The following DCUN1D4 variants were observed in gnomAD, a reference collection of about 807,000 sequenced individuals.
DCUN1D4 encodes defective in cullin neddylation 1 domain containing 4, also known as DCN1-like protein 4.
In DCUN1D4, 22 loss-of-function variants were observed where a neutral mutation model predicts 47.9. The observed-to-expected ratio is 0.46, with a 90% CI of 0.33 to 0.66. DCUN1D4 has a LOEUF of 0.66. DCUN1D4 is among the 30% of genes least tolerant of loss of function. DCUN1D4 has a pLI of 0.02. For synonymous variants in DCUN1D4, 121 were observed against 112.2 expected (o/e 1.08, Z -0.50); for missense variants, 301 against 340.8 (o/e 0.88, Z 0.92).
At position 51,899,309 on chromosome 4, in the gene DCUN1D4, C is replaced by T. The variant is rs1560510564; in HGVS notation, c.546C>T (p.Tyr182=). 2 of 1,608,188 alleles carry T rather than the reference C, an allele frequency of 1.2e-6. No homozygotes were observed. Among genetic ancestry groups the T allele is most frequent in the Non-Finnish European group, 1.7e-6 (2 of 1,178,024 alleles). ...AAAAACTCAGAAATACTTTGGATTACTTAAGATCATTCTTAAATGATTCTA... is the reference window on the plus strand; with the variant it reads ...AAAAACTCAGAAATACTTTGGATTATTTAAGATCATTCTTAAATGATTCTA... The part of the protein sequence containing the change: ...TTEKLRNTLD[Y]LRSFLNDSTN... Residue 182 remains tyrosine, a synonymous_variant, in exon 8 of 11, where the codon TAC becomes TAT. Transcript: ENST00000334635.
chr4:51,847,710 C>G (rs1413945208), intron 1 of DCUN1D4, among the ~76,000 whole-genome samples: 1 of 151,790 alleles, frequency 6.6e-6, no homozygotes, highest in Non-Finnish European at 1.5e-5. Context: ...CCACCTCAGT[C>G]TCTGAGTAGC....
At chr4:51,879,749 T>C (rs1372121001) in intron 5 of DCUN1D4, among the ~76,000 whole-genome samples, 2 of 152,232 alleles carry the variant, frequency 1.3e-5, no homozygotes, top group Non-Finnish European at 2.9e-5. Context: ...GTTATGAAAA[T>C]GTTTTATAAG....
chr4:51,905,252 T>C (rs1211750506), intron 8 of DCUN1D4: 1 of 450,944 alleles, frequency 2.2e-6, no homozygotes, highest in Non-Finnish European at 4.5e-6. Flanking sequence ...CCTGTCAATG[T>C]AGGATGATGA....
At chr4:51,856,241 A>G (rs1724118416) in intron 1 of DCUN1D4, among the ~76,000 whole-genome samples, 1 of 152,218 alleles carries the variant, frequency 6.6e-6, no homozygotes, top group Admixed American at 6.5e-5. Flanking sequence ...GTCACTTGAA[A>G]AGCATTTGTT....
intron 5 of DCUN1D4, among the ~76,000 whole-genome samples, chr4:51,881,658 G>GT (rs1346055600): frequency 8.6e-6 from 1 of 115,904 alleles, no homozygotes; most frequent in Non-Finnish European, 1.7e-5. Flanking sequence ...TTAGATACAA[G>GT]TTAAAAAAAA....
intron 5 of DCUN1D4, among the ~76,000 whole-genome samples, chr4:51,882,374 G>A (rs569543249): frequency 6.6e-6 from 1 of 152,302 alleles, no homozygotes; most frequent in South Asian, 2.1e-4. Context: ...AGAGAAGGCA[G>A]TAGCCAGGTT....
chr4:51,853,301 TTGAA>T (rs932095172), intron 1 of DCUN1D4, among the ~76,000 whole-genome samples: 12 of 152,370 alleles, frequency 7.9e-5, no homozygotes, highest in South Asian at 2.1e-4. Flanking sequence ...CTGAGTCACT[TTGAA>T]TGACCTGTTC....
At chr4:51,873,887 C>CT (rs1461958757) in intron 3 of DCUN1D4, among the ~76,000 whole-genome samples, 1 of 152,114 alleles carries the variant, frequency 6.6e-6, no homozygotes, top group Admixed American at 6.5e-5. Flanking sequence ...GTCAGGGTTA[C>CT]TTGTTGAGCT....
chr4:51,903,919 G>A lies in DCUN1D4; in HGVS notation c.615+4541G>A, dbSNP rs187036600. 4.5e-3 allele frequency among the ~76,000 whole-genome samples: 690 copies of A among 152,056 alleles called. 4 individuals are homozygous for A. The highest frequency in any genetic ancestry group is 7.1e-3 in the Non-Finnish European group (480 of 67,966). The stretch of plus-strand genomic sequence containing the variant: ...AATTTCTAGAACATGTTTATAGTAG[G>A]TATTTTTATAACCTTGTCTTCTGGT... On this transcript the variant is annotated intron_variant, in intron 8 of 10. Coordinates refer to ENST00000334635, the MANE Select transcript of DCUN1D4 (RefSeq NM_001040402.3).
rs1303898624 is a variant in DCUN1D4 at position 51,915,718 on chromosome 4, G to C, written c.*2134G>C. On this transcript the variant is annotated 3_prime_UTR_variant, in exon 11 of 11. Coordinates refer to ENST00000334635, the MANE Select transcript of DCUN1D4 (RefSeq NM_001040402.3). Reference sequence around the variant, plus strand: ...AATATAGAGATTTTTAAAAAATGCTGATAAGCACAGTTAATTCTAAAATGA... The same window carrying C: ...AATATAGAGATTTTTAAAAAATGCTCATAAGCACAGTTAATTCTAAAATGA... 1 of 152,550 alleles carries C rather than the reference G, an allele frequency of 6.6e-6. No individual in the cohort carries two copies. The highest frequency in any genetic ancestry group is 1.5e-5 in the Non-Finnish European group (1 of 67,994). 9.4% of individuals were successfully genotyped at this position (152,550 alleles called of 1,614,324 possible).
intron 1 of DCUN1D4, among the ~76,000 whole-genome samples, chr4:51,849,277 G>A (rs965550266): frequency 6.6e-6 from 1 of 152,178 alleles, no homozygotes; most frequent in African/African-American, 2.4e-5. Context: ...AGTGGTGGCT[G>A]CTGTGCTGCT....
rs1438513582 is a variant in DCUN1D4 at position 51,843,413 on chromosome 4, C to G, written c.25+146C>G. 6.4e-6 allele frequency: 8 copies of G among 1,254,016 alleles called. No homozygotes were observed. In the African/African-American group the frequency reaches 1.1e-4, roughly 17 times the overall value. The allele number at this position is 1,254,016 out of a possible 1,614,324, so 77.7% of individuals were successfully genotyped here. A position where few individuals can be genotyped will look rare whatever the true frequency, so the allele number is the denominator to read the frequency against. ...GAACCACCCCTTCCCCTCCCGGGGC[C>G]GGGGCGGGCGGTGACGCTGCGGGCG... On this transcript the variant is annotated intron_variant, in intron 1 of 10. Transcript: ENST00000334635.
rs4864694 is a variant in DCUN1D4, at chr4:51,906,379, G to A, written c.616-4691G>A. ...AATTCACTAAGGAAAATTTTGCTAG[G>A]TCTTGTGTTCAACAACCCGTGTTAT... On this transcript the variant is annotated intron_variant, in intron 8 of 10. Coordinates refer to ENST00000334635, the MANE Select transcript of DCUN1D4 (RefSeq NM_001040402.3). Among the ~76,000 whole-genome samples the A allele has an allele frequency of 1.2e-3, 187 of 152,284 alleles. 1 individual carries two copies. Among genetic ancestry groups the A allele is most frequent in the African/African-American group, 4.1e-3 (171 of 41,562 alleles).
chr4:51,899,200 A>G (rs952299294), intron 7 of DCUN1D4, 70 bp from the exon 8 acceptor site: 2 of 1,472,336 alleles, frequency 1.4e-6, no homozygotes, highest in Non-Finnish European at 9.0e-7. Flanking sequence ...TTGTGTTTAT[A>G]TTACTGCCTC....
At chr4:51,867,624 T>C (rs1402808387) in intron 3 of DCUN1D4, among the ~76,000 whole-genome samples, 1 of 152,164 alleles carries the variant, frequency 6.6e-6, no homozygotes, top group Non-Finnish European at 1.5e-5. Context: ...TGCAGGCAGG[T>C]TGTCCTGTCC....
At chr4:51,836,300 G>A in the DCUN1D4 span, among the ~76,000 whole-genome samples, 1 of 152,132 alleles carries the variant, frequency 6.6e-6, no homozygotes, top group African/African-American at 2.4e-5. Flanking sequence ...AAATGTTAAG[G>A]ACCATTTGCT....
chr4:51,905,414 A>C lies in DCUN1D4; in HGVS notation c.616-5656A>C, dbSNP rs907933660. ...TAGAAGAAGACGGTGGAATATACAC[A>C]AGGGCCAACATGATCAGTTCTCTTC... On this transcript the variant is annotated intron_variant, in intron 8 of 10. Coordinates refer to ENST00000334635, the MANE Select transcript of DCUN1D4 (RefSeq NM_001040402.3). The C allele has an allele frequency of 1.3e-5, 3 of 222,806 alleles. No homozygotes were observed. The East Asian group carries it at 2.9e-4, about 21-fold the overall frequency. The allele number at this position is 222,806 out of a possible 1,614,324, so 13.8% of individuals were successfully genotyped here.
intron 3 of DCUN1D4, chr4:51,865,118 A>G (rs994108919): frequency 4.5e-6 from 1 of 223,210 alleles, no homozygotes; most frequent in East Asian, 1.1e-4. Context: ...TTGAACTTCT[A>G]TTTCTGGATA....
chr4:51,877,924 G>C, intron 5 of DCUN1D4, 70 bp downstream of exon 5: 1 of 1,118,408 alleles, frequency 8.9e-7, no homozygotes, highest in Middle Eastern at 2.3e-4. Flanking sequence ...GATGATTAAA[G>C]AATTTAAAAA....
Sources: allele counts gnomAD v4.1 joint callset (sites outside exome capture counted in the v4.1 genomes callset), GRCh38; gene constraint gnomAD v4.1.1; transcripts MANE v1.5; gene names NCBI Gene and HGNC (gene_info 2026-07-23, HGNC 2026-07-21).